Variants in LPP observed in about 807,000 individuals in gnomAD.
LPP encodes the protein lipoma-preferred partner.
In LPP, 38 loss-of-function variants were observed where a neutral mutation model predicts 60.4. That is an observed-to-expected ratio of 0.63 (90% CI 0.49 to 0.83). The LOEUF (loss-of-function observed/expected upper bound fraction) is 0.83, where lower values mean the gene tolerates loss of function less well. Among genes scored for constraint, LPP ranks in the 40% least tolerant of loss-of-function variants. The pLI, the probability that LPP is intolerant of heterozygous loss-of-function variation, is 0.00. For missense variants in LPP, 902 were observed against 783.6 expected (o/e 1.15, Z -1.80); for synonymous variants, 328 against 290.8 (o/e 1.13, Z -1.30).
At chr3:188,551,906 T>C (rs1355607801) in intron 6 of LPP, among the ~76,000 whole-genome samples, 1 of 152,180 alleles carries the variant, frequency 6.6e-6, no homozygotes, top group Non-Finnish European at 1.5e-5. Flanking sequence ...GAGAGACCAA[T>C]GGTAAAAATC....
intron 7 of LPP, among the ~76,000 whole-genome samples, chr3:188,652,783 C>A (rs1351668245): frequency 6.6e-6 from 1 of 151,984 alleles, no homozygotes; most frequent in Non-Finnish European, 1.5e-5. Context: ...AAGAGGTATC[C>A]CAAGTCCCAC....
rs1020477345 is a variant in LPP at position 188,203,108 on chromosome 3, A to G, written c.-189-22297A>G. Among the ~76,000 whole-genome samples the G allele has an allele frequency of 7.0e-5, 10 of 142,522 alleles. No individual in the cohort carries two copies. In the Admixed American group the frequency reaches 7.3e-4, roughly 10 times the overall value. The allele number at this position is 142,522 out of a possible 152,430, so 93.5% of individuals were successfully genotyped here. A position where few individuals can be genotyped will look rare whatever the true frequency, so the allele number is the denominator to read the frequency against. ...TAAATTATAGTAAAAATATTTATTT[A>G]TAATATAAATATAAAATGTATATTA... On this transcript the variant is annotated intron_variant, in intron 1 of 11. Coordinates refer to ENST00000617246, the MANE Select transcript of LPP (RefSeq NM_001375462.1).
At chr3:188,318,836 G>C (rs1304846363) in intron 2 of LPP, among the ~76,000 whole-genome samples, 1 of 137,992 alleles carries the variant, frequency 7.2e-6, no homozygotes, top group Non-Finnish European at 1.5e-5. Flanking sequence ...TCGGCTCACT[G>C]CAAGCTCCGC....
chr3:188,245,879 A>G (rs954560150), intron 2 of LPP, among the ~76,000 whole-genome samples: 98 of 152,228 alleles, frequency 6.4e-4, no homozygotes, highest in Middle Eastern at 3.4e-3. Context: ...AATGATGAAT[A>G]TATTGTACTA....
At chr3:188,448,210 A>G (rs1475505209) in intron 4 of LPP, among the ~76,000 whole-genome samples, 1 of 152,130 alleles carries the variant, frequency 6.6e-6, no homozygotes, top group African/African-American at 2.4e-5. Context: ...CTTGGGTTCA[A>G]GTTATGATTT....
intron 8 of LPP, among the ~76,000 whole-genome samples, chr3:188,720,656 C>T (rs937697518): frequency 1.3e-5 from 2 of 150,720 alleles, no homozygotes; most frequent in Non-Finnish European, 2.9e-5. Flanking sequence ...AAGTTAATGA[C>T]CTTATCCCAA....
chr3:188,397,752 T>C (rs1316719155), intron 3 of LPP, among the ~76,000 whole-genome samples: 1 of 152,150 alleles, frequency 6.6e-6, no homozygotes, highest in Non-Finnish European at 1.5e-5. Flanking sequence ...TAGCTGGGAC[T>C]ACAGGTGTGC....
intron 4 of LPP, among the ~76,000 whole-genome samples, chr3:188,474,389 A>AATGCATTCACATGCATTGAC (rs1802622079): frequency 6.6e-6 from 1 of 151,362 alleles, no homozygotes; most frequent in Non-Finnish European, 1.5e-5. Flanking sequence ...TGTCATTGAC[A>AATGCATTCACATGCATTGAC]ATGCATTGAC....
rs1302092860 is a variant in LPP at position 188,472,144 on chromosome 3, C to T, written c.194-12448C>T. On this transcript the variant is annotated intron_variant, in intron 4 of 11. Transcript: ENST00000617246. ...TTCCTTACACATCAAAGAGTGAATC[C>T]TGAATAATTAACCCCAAATAAAATT... Among the ~76,000 whole-genome samples the T allele has an allele frequency of 5.3e-5, 8 of 152,216 alleles. No individual in the cohort carries two copies. The East Asian group carries it at 1.5e-3, about 29-fold the overall frequency.
chr3:188,872,114 G>T (rs980734641), intron 10 of LPP, among the ~76,000 whole-genome samples: 15 of 152,076 alleles, frequency 9.9e-5, no homozygotes, highest in African/African-American at 3.6e-4. Flanking sequence ...ACTAACCTCT[G>T]CCCTTTTGAA....
Position 188,572,127 on chromosome 3 carries a change from G to A in LPP, c.430-37034G>A, listed in dbSNP as rs1204402752. On this transcript the variant is annotated intron_variant, in intron 6 of 11. Coordinates refer to ENST00000617246, the MANE Select transcript of LPP (RefSeq NM_001375462.1). This position sits in a 1 kb window ranked among gnomAD's most constrained non-coding sequence, Gnocchi z 4.1. ...ATTTTGACTTGAAAAGTAATTCAAAGGGTTGAAATTTAAACGTAAAGAAAT... is the reference window on the plus strand; with the variant it reads ...ATTTTGACTTGAAAAGTAATTCAAAAGGTTGAAATTTAAACGTAAAGAAAT... Among the ~76,000 whole-genome samples the A allele has an allele frequency of 2.0e-5, 3 of 151,994 alleles. No homozygotes were observed. Among genetic ancestry groups the A allele is most frequent in the East Asian group, 1.9e-4 (1 of 5,156 alleles).
intron 1 of LPP, among the ~76,000 whole-genome samples, chr3:188,207,621 C>CTT (rs77534309): frequency 4.3e-4 from 57 of 131,298 alleles, no homozygotes; most frequent in South Asian, 2.4e-3. Flanking sequence ...TCTTTTTCTT[C>CTT]TTTTTTTTTT....
intron 5 of LPP, among the ~76,000 whole-genome samples, chr3:188,523,939 T>C (rs1307941514): frequency 6.6e-6 from 1 of 152,206 alleles, no homozygotes; most frequent in Non-Finnish European, 1.5e-5. Context: ...CCAAACCTGA[T>C]CATAATTCCT....
intron 6 of LPP, among the ~76,000 whole-genome samples, chr3:188,534,300 A>G (rs948745615): frequency 2.0e-5 from 3 of 152,214 alleles, no homozygotes; most frequent in African/African-American, 7.2e-5. Context: ...CAAGATGATT[A>G]TGTTACATTA....
At chr3:188,476,921 C>G (rs558943790) in intron 4 of LPP, among the ~76,000 whole-genome samples, 2 of 152,246 alleles carry the variant, frequency 1.3e-5, no homozygotes, top group East Asian at 3.9e-4. Flanking sequence ...AATGGCCAAG[C>G]CTTGCCCTGA....
intron 3 of LPP, among the ~76,000 whole-genome samples, chr3:188,379,629 G>A (rs1027960461): frequency 6.6e-6 from 1 of 152,128 alleles, no homozygotes; most frequent in African/African-American, 2.4e-5. Context: ...AATCTGTGAA[G>A]TTGCCCATTC....
At chr3:188,505,371 A>G (rs993454363) in intron 5 of LPP, among the ~76,000 whole-genome samples, 8 of 152,042 alleles carry the variant, frequency 5.3e-5, no homozygotes, top group Non-Finnish European at 1.5e-5. Flanking sequence ...CCCTGTCTCT[A>G]AATTTAGGTT....
chr3:188,364,022 A>G (rs1770364899), intron 3 of LPP, among the ~76,000 whole-genome samples: 1 of 152,120 alleles, frequency 6.6e-6, no homozygotes, highest in Admixed American at 6.5e-5. Context: ...CGAGGTTTGA[A>G]GGCAATGCCA....
chr3:188,298,078 T>G (rs1328805653), intron 2 of LPP, among the ~76,000 whole-genome samples: 1 of 152,196 alleles, frequency 6.6e-6, no homozygotes, highest in East Asian at 1.9e-4. Context: ...CTGAATATAT[T>G]GTATAGATTG....
Sources: gnomAD v4.1 joint callset for allele counts (sites outside exome capture counted in the v4.1 genomes callset) on GRCh38, gnomAD v4.1.1 for gene constraint, Gnocchi (gnomAD v3.1) non-coding constraint, MANE v1.5 for transcripts, NCBI Gene and HGNC (gene_info 2026-07-23, HGNC 2026-07-21) for gene names.